The following KCNH1 variants were observed in gnomAD, a reference collection of about 807,000 sequenced individuals.
KCNH1 encodes the protein potassium voltage-gated channel subfamily H member 1.
Under a neutral mutation model 69.2 loss-of-function variants are expected in KCNH1, and 27 were observed. The ratio of observed to expected loss-of-function variants is 0.39; its 90% confidence interval spans 0.29 to 0.54. KCNH1 has a LOEUF of 0.54. Ranked by LOEUF, KCNH1 falls within the 20% of genes least tolerant of loss-of-function variation. The probability of loss-of-function intolerance (pLI) is 0.68; values close to 1 mark genes in which losing one functional copy is unlikely to be tolerated. For missense variants in KCNH1, 798 were observed against 1,261.6 expected, an observed-to-expected ratio of 0.63 and a Z score of 5.57; for synonymous variants, 456 against 487.7, an observed-to-expected ratio of 0.93 and a Z score of 0.86.
chr1:211,103,654 C>T lies in KCNH1; in HGVS notation c.204-52G>A, dbSNP rs771988129. 7.8e-6 allele frequency: 9 copies of T among 1,150,354 alleles called. No individual in the cohort carries two copies. In the East Asian group the frequency reaches 2.1e-4, roughly 27 times the overall value. 71.3% of individuals were successfully genotyped at this position (1,150,354 alleles called of 1,614,324 possible). A position where few individuals can be genotyped will look rare whatever the true frequency, so the allele number is the denominator to read the frequency against. On this transcript the variant is annotated intron_variant, in intron 2 of 10. Coordinates refer to ENST00000271751, the MANE Select transcript of KCNH1 (RefSeq NM_172362.3). ...AGATTAAGAAGTATTCATTATTCTA[C>T]AAGCATATGTTAAATATCTGTTCTA...
At chr1:210,711,927 C>T (rs1176110306) in intron 10 of KCNH1, among the ~76,000 whole-genome samples, 1 of 152,190 alleles carries the variant, frequency 6.6e-6, no homozygotes, top group East Asian at 1.9e-4. Context: ...CAGGCTTAGA[C>T]AGTTTCCCTC....
intron 7 of KCNH1, among the ~76,000 whole-genome samples, chr1:210,886,114 C>T (rs766307418): frequency 1.8e-4 from 27 of 152,186 alleles, no homozygotes; most frequent in Non-Finnish European, 1.5e-5. Flanking sequence ...CACCTCCCAG[C>T]AGGGGTCCAC....
At chr1:210,694,254 GGAC>G in intron 10 of KCNH1, among the ~76,000 whole-genome samples, 1 of 152,090 alleles carries the variant, frequency 6.6e-6, no homozygotes. Context: ...CATGTTTTGA[GGAC>G]ACACACACAC....
intron 7 of KCNH1, among the ~76,000 whole-genome samples, chr1:210,833,204 G>C (rs1685201495): frequency 1.3e-5 from 2 of 152,024 alleles, no homozygotes. Context: ...TTATAAATCA[G>C]GTTTCTTAAA....
At chr1:210,983,351 T>G (rs527649433) in intron 6 of KCNH1, among the ~76,000 whole-genome samples, 1 of 152,334 alleles carries the variant, frequency 6.6e-6, no homozygotes, top group African/African-American at 2.4e-5. Context: ...TGCCCACGCC[T>G]ATGTTCTGAA....
At chr1:211,128,276 C>G (rs1233756351) in intron 1 of KCNH1, among the ~76,000 whole-genome samples, 2 of 135,684 alleles carry the variant, frequency 1.5e-5, no homozygotes, top group Non-Finnish European at 3.1e-5. Flanking sequence ...AAGTGAGATT[C>G]TGTCTCAAAA....
At chr1:211,094,529 T>C (rs1253582744) in intron 3 of KCNH1, among the ~76,000 whole-genome samples, 3 of 152,218 alleles carry the variant, frequency 2.0e-5, no homozygotes, top group African/African-American at 4.8e-5. Context: ...TAGATCATAA[T>C]ACACTCCAAG....
intron 6 of KCNH1, among the ~76,000 whole-genome samples, chr1:211,003,342 T>C (rs1409695648): frequency 6.6e-6 from 1 of 152,130 alleles, no homozygotes; most frequent in Non-Finnish European, 1.5e-5. Context: ...CTCCAACAAG[T>C]CACCATAGGA....
intron 6 of KCNH1, among the ~76,000 whole-genome samples, chr1:210,926,459 G>A (rs1383357415): frequency 1.3e-5 from 2 of 152,134 alleles, no homozygotes; most frequent in African/African-American, 4.8e-5. Context: ...ACCCAGAAGA[G>A]CAAAAACAAT....
intron 7 of KCNH1, chr1:210,859,669 T>TTTAA: frequency 7.7e-7 from 1 of 1,294,804 alleles, no homozygotes; most frequent in Non-Finnish European, 1.1e-6. Context: ...ATATGCTCTT[T>TTTAA]TTAATCCATT....
intron 5 of KCNH1, among the ~76,000 whole-genome samples, chr1:211,026,187 C>A (rs1689680223): frequency 6.6e-6 from 1 of 152,146 alleles, no homozygotes; most frequent in African/African-American, 2.4e-5. Flanking sequence ...ATTCCTCCCT[C>A]TAAGTGCAAC....
At chr1:210,984,754 T>C (rs1026514022) in intron 6 of KCNH1, among the ~76,000 whole-genome samples, 2 of 150,862 alleles carry the variant, frequency 1.3e-5, no homozygotes, top group African/African-American at 2.4e-5. Flanking sequence ...TCTTTTTTTG[T>C]TGTGTCTCTG....
intron 9 of KCNH1, among the ~76,000 whole-genome samples, chr1:210,787,120 T>C (rs1197983512): frequency 6.6e-6 from 1 of 152,108 alleles, no homozygotes; most frequent in Non-Finnish European, 1.5e-5. Context: ...TCACCTGTTC[T>C]ACCCTCTTGA....
chr1:211,051,718 A>C (rs908727896), intron 5 of KCNH1, among the ~76,000 whole-genome samples: 1 of 152,230 alleles, frequency 6.6e-6, no homozygotes, highest in Non-Finnish European at 1.5e-5. Context: ...AGAGGCAACA[A>C]AAAGACATTA....
At chr1:211,037,514 T>TTTA (rs1689919830) in intron 5 of KCNH1, among the ~76,000 whole-genome samples, 1 of 123,300 alleles carries the variant, frequency 8.1e-6, no homozygotes, top group Non-Finnish European at 1.8e-5. Context: ...TTTTTTTTTT[T>TTTA]ACTGTACACA....
intron 3 of KCNH1, among the ~76,000 whole-genome samples, chr1:211,101,969 A>G (rs548637898): frequency 1.3e-5 from 2 of 152,326 alleles, no homozygotes; most frequent in East Asian, 1.9e-4. Flanking sequence ...GAGACTCTCA[A>G]TAAGCCTACC....
At chr1:210,820,961 G>A (rs189643951) in intron 7 of KCNH1, among the ~76,000 whole-genome samples, 10 of 152,264 alleles carry the variant, frequency 6.6e-5, no homozygotes, top group Admixed American at 2.6e-4. Context: ...GGAACTATAA[G>A]GGAATAAATT....
chr1:211,020,945 T>C (rs1387454316), intron 5 of KCNH1, among the ~76,000 whole-genome samples: 2 of 151,968 alleles, frequency 1.3e-5, no homozygotes, highest in Non-Finnish European at 2.9e-5. Context: ...CCTTTCATGA[T>C]AAAAAAAACT....
intron 10 of KCNH1, among the ~76,000 whole-genome samples, chr1:210,727,517 T>C (rs1326541811): frequency 6.6e-6 from 1 of 152,114 alleles, no homozygotes; most frequent in East Asian, 1.9e-4. Context: ...AACTTTTCAT[T>C]GTCCACGAGG....
Sources: gnomAD v4.1 joint callset for allele counts (sites outside exome capture counted in the v4.1 genomes callset) on GRCh38, gnomAD v4.1.1 for gene constraint, MANE v1.5 for transcripts, NCBI Gene and HGNC (gene_info 2026-07-23, HGNC 2026-07-21) for gene names.